Variants in MYO16 observed in about 807,000 individuals in gnomAD.
MYO16 encodes the protein unconventional myosin-XVI.
MYO16 carries 94 observed loss-of-function variants against 205.3 expected under a neutral mutation model. The ratio of observed to expected loss-of-function variants is 0.46; its 90% CI spans 0.39 to 0.54. The LOEUF is 0.54. MYO16 is among the 20% of genes least tolerant of loss of function. MYO16 has a pLI of 0.00. For synonymous variants in MYO16, 988 were observed against 954.0 expected (o/e 1.04, Z -0.66); for missense variants, 2,315 against 2,387.5 (o/e 0.97, Z 0.63).
chr13:109,083,383 C>CAAAAAAAAA (rs71125367), intron 27 of MYO16, among the ~76,000 whole-genome samples: 1 of 52,324 alleles, frequency 1.9e-5, no homozygotes, highest in Non-Finnish European at 3.2e-5. Context: ...AACTCCGTCT[C>CAAAAAAAAA]AAAAAAAAAA....
At chr13:108,990,171 C>T (rs2139434317) in intron 20 of MYO16, among the ~76,000 whole-genome samples, 2 of 141,618 alleles carry the variant, frequency 1.4e-5, no homozygotes, top group East Asian at 3.9e-4. Context: ...CACACACACA[C>T]ACACACACAC....
chr13:108,880,082 C>G (rs766654838), intron 12 of MYO16, among the ~76,000 whole-genome samples: 1 of 152,014 alleles, frequency 6.6e-6, no homozygotes, highest in Non-Finnish European at 1.5e-5. Flanking sequence ...TATCTCATTG[C>G]GGTTTTGATT....
intron 4 of MYO16, among the ~76,000 whole-genome samples, chr13:108,753,153 A>G (rs1004496278): frequency 6.6e-6 from 1 of 151,054 alleles, no homozygotes; most frequent in Non-Finnish European, 1.5e-5. Context: ...GTGGATCACG[A>G]GGTCAGCAGT....
chr13:108,684,645 G>A (rs1167857012), intron 2 of MYO16, among the ~76,000 whole-genome samples: 1 of 152,064 alleles, frequency 6.6e-6, no homozygotes, highest in African/African-American at 2.4e-5. Context: ...GCTGGGGGTT[G>A]GTCACCCAGC....
At chr13:108,823,430 A>G (rs1342621207) in intron 9 of MYO16, 152 bp downstream of exon 9, 2 of 580,448 alleles carry the variant, frequency 3.4e-6, no homozygotes, top group Admixed American at 7.2e-5. Context: ...TACAGTGATG[A>G]GTTAAACATA....
chr13:109,199,048 C>T lies in MYO16; in HGVS notation c.5416-7561C>T, dbSNP rs902806921. Among the ~76,000 whole-genome samples the T allele has an allele frequency of 4.6e-5, 7 of 151,706 alleles. No homozygotes were observed. The East Asian group carries it at 5.8e-4, about 13-fold the overall frequency. On this transcript the variant is annotated intron_variant, in intron 34 of 34. Transcript: ENST00000457511. ...CAAATCCTGTGGAAACCCTTCTCCTCGCATGTTCTTCTCCCCTGTTCTAAC... is the reference window on the plus strand; with the variant it reads ...CAAATCCTGTGGAAACCCTTCTCCTTGCATGTTCTTCTCCCCTGTTCTAAC...
intron 20 of MYO16, among the ~76,000 whole-genome samples, chr13:108,970,748 A>T (rs138935195): frequency 6.6e-6 from 1 of 152,164 alleles, no homozygotes; most frequent in Non-Finnish European, 1.5e-5. Context: ...TGTGAAATGC[A>T]TGTGTGTGTG....
chr13:109,058,287 G>A (rs913848442), intron 27 of MYO16, among the ~76,000 whole-genome samples: 1 of 152,070 alleles, frequency 6.6e-6, no homozygotes, highest in Non-Finnish European at 1.5e-5. Flanking sequence ...TGTGGGGAAT[G>A]TATAATCTCC....
intron 5 of MYO16, among the ~76,000 whole-genome samples, chr13:108,790,298 G>A (rs1472045988): frequency 6.6e-6 from 1 of 152,138 alleles, no homozygotes; most frequent in Non-Finnish European, 1.5e-5. Flanking sequence ...GATTGACTTC[G>A]GGAGTTGACG....
intron 12 of MYO16, among the ~76,000 whole-genome samples, chr13:108,871,767 A>C (rs1879076204): frequency 6.6e-6 from 1 of 152,190 alleles, no homozygotes; most frequent in African/African-American, 2.4e-5. Context: ...CACTCAGCAC[A>C]GCGGCACTGT....
chr13:108,671,160 G>C (rs1208378250), intron 2 of MYO16, among the ~76,000 whole-genome samples: 1 of 151,918 alleles, frequency 6.6e-6, no homozygotes, highest in Non-Finnish European at 1.5e-5. Flanking sequence ...TTTTTGAATG[G>C]CAAAGAAGAG....
intron 10 of MYO16, among the ~76,000 whole-genome samples, chr13:108,849,217 G>A (rs990586081): frequency 4.6e-5 from 7 of 152,006 alleles, no homozygotes; most frequent in African/African-American, 9.7e-5. Context: ...CTGAGATGAC[G>A]TCTTACTCTG....
intron 27 of MYO16, among the ~76,000 whole-genome samples, chr13:109,099,580 T>C (rs1442542353): frequency 3.3e-5 from 5 of 152,108 alleles, no homozygotes; most frequent in Admixed American, 6.6e-5. Flanking sequence ...ATCATCATAT[T>C]GGGGGTTAGG....
intron 9 of MYO16, among the ~76,000 whole-genome samples, chr13:108,831,227 A>G (rs1388760887): frequency 6.6e-6 from 1 of 152,222 alleles, no homozygotes; most frequent in East Asian, 1.9e-4. Context: ...TGTCCTGGCC[A>G]CTAAAACACA....
chr13:108,856,995 T>C (rs1317631230), intron 11 of MYO16, among the ~76,000 whole-genome samples: 1 of 152,218 alleles, frequency 6.6e-6, no homozygotes, highest in Non-Finnish European at 1.5e-5. Flanking sequence ...AGAATCCTCA[T>C]GATATGCCCT....
chr13:108,802,445 T>TA (rs1243637755), intron 6 of MYO16, among the ~76,000 whole-genome samples: 3 of 152,206 alleles, frequency 2.0e-5, no homozygotes. Context: ...GGGTGACTAG[T>TA]ATTCCATTAT....
chr13:108,746,930 A>AT (rs981665023), intron 4 of MYO16, among the ~76,000 whole-genome samples: 18 of 151,666 alleles, frequency 1.2e-4, no homozygotes, highest in African/African-American at 4.4e-4. Context: ...TACCTTATTT[A>AT]TAGAAGAAAA....
intron 10 of MYO16, among the ~76,000 whole-genome samples, chr13:108,845,576 A>G (rs1370787937): frequency 2.0e-5 from 3 of 152,186 alleles, no homozygotes; most frequent in Non-Finnish European, 4.4e-5. Flanking sequence ...TTATGATTTC[A>G]TTTAACCTAA....
intron 2 of MYO16, among the ~76,000 whole-genome samples, chr13:108,683,788 T>A (rs1218014865): frequency 3.3e-5 from 5 of 152,214 alleles, no homozygotes. Context: ...GGCCCTGGTG[T>A]GTGTCCCCTG....
Sources: allele counts gnomAD v4.1 joint callset (sites outside exome capture counted in the v4.1 genomes callset), GRCh38; gene constraint gnomAD v4.1.1; transcripts MANE v1.5; gene names NCBI Gene and HGNC (gene_info 2026-07-23, HGNC 2026-07-21).